The following KLF12 variants were observed in gnomAD, a reference collection of about 807,000 sequenced individuals.
KLF12 encodes the protein KLF transcription factor 12, also known as Krueppel-like factor 12.
KLF12 carries 9 observed loss-of-function variants against 37.8 expected under a neutral mutation model. The ratio of observed to expected loss-of-function variants is 0.24; its 90% confidence interval spans 0.14 to 0.42. The LOEUF (loss-of-function observed/expected upper bound fraction) is 0.42, where lower values mean the gene tolerates loss of function less well. KLF12 is among the 10% of genes least tolerant of loss of function. The pLI is 1.00. For synonymous variants in KLF12, 208 were observed against 202.1 expected (o/e 1.03, Z -0.25); for missense variants, 411 against 516.0 (o/e 0.80, Z 1.97).
chr13:73,874,622 G>A (rs1440364518), intron 3 of KLF12, among the ~76,000 whole-genome samples: 2 of 152,098 alleles, frequency 1.3e-5, no homozygotes, highest in African/African-American at 4.8e-5. Flanking sequence ...GTGGTACATA[G>A]TCATATAGGC....
the KLF12 span, among the ~76,000 whole-genome samples, chr13:74,271,029 C>G: frequency 6.6e-6 from 1 of 152,114 alleles, no homozygotes; most frequent in Non-Finnish European, 1.5e-5. Context: ...GTGTGCATTA[C>G]TGCCTGAGCT....
intron 6 of KLF12, among the ~76,000 whole-genome samples, chr13:73,738,810 A>T (rs1401051456): frequency 6.6e-6 from 1 of 152,190 alleles, no homozygotes; most frequent in Non-Finnish European, 1.5e-5. Context: ...ACTGCCGGCC[A>T]TCTGTTGAGG....
intron 3 of KLF12, among the ~76,000 whole-genome samples, chr13:73,933,514 G>A (rs1020340432): frequency 6.6e-6 from 1 of 152,100 alleles, no homozygotes; most frequent in Admixed American, 6.5e-5. Flanking sequence ...GACAGGCCTT[G>A]TACACAGGCA....
At chr13:73,985,201 A>G (rs560559788) in intron 2 of KLF12, among the ~76,000 whole-genome samples, 2 of 152,334 alleles carry the variant, frequency 1.3e-5, no homozygotes, top group East Asian at 3.9e-4. Context: ...CACTGAGCAG[A>G]GCAAGGAGAA....
intron 6 of KLF12, among the ~76,000 whole-genome samples, chr13:73,722,988 CTT>C (rs1252683150): frequency 6.6e-6 from 1 of 152,152 alleles, no homozygotes; most frequent in African/African-American, 2.4e-5. Context: ...TTCCACATCA[CTT>C]TCTAGACCGT....
intron 3 of KLF12, among the ~76,000 whole-genome samples, chr13:73,876,805 A>G (rs540565724): frequency 6.6e-6 from 1 of 152,240 alleles, no homozygotes; most frequent in East Asian, 1.9e-4. Flanking sequence ...ATCTGGGGTC[A>G]GGAGTTTGAG....
the KLF12 span, among the ~76,000 whole-genome samples, chr13:74,139,001 A>T: frequency 1.3e-5 from 2 of 152,222 alleles, no homozygotes; most frequent in Non-Finnish European, 1.5e-5. Flanking sequence ...CCAAAAAGTT[A>T]TCTTTCCCTT....
chr13:74,262,931 G>A, the KLF12 span, among the ~76,000 whole-genome samples: 8 of 151,818 alleles, frequency 5.3e-5, no homozygotes, highest in South Asian at 2.1e-4. Flanking sequence ...CTGGTTCTTC[G>A]TCAGTGTGCT....
the KLF12 span, chr13:74,260,063 C>A: frequency 6.6e-6 from 1 of 151,910 alleles, no homozygotes; most frequent in Non-Finnish European, 1.5e-5. Flanking sequence ...TTTTGTGTCC[C>A]CTCTGGAGTG....
the KLF12 span, among the ~76,000 whole-genome samples, chr13:74,202,480 C>T: frequency 1.3e-5 from 2 of 152,250 alleles, no homozygotes; most frequent in South Asian, 4.1e-4. Context: ...GTGTTAGCTA[C>T]ATCTTTCTGG....
the KLF12 span, among the ~76,000 whole-genome samples, chr13:74,141,390 C>A: frequency 6.6e-6 from 1 of 151,848 alleles, no homozygotes. Context: ...AGAAATGAAA[C>A]CTGGTCAGAA....
At chr13:73,911,133 G>A (rs1452893108) in intron 3 of KLF12, among the ~76,000 whole-genome samples, 2 of 152,048 alleles carry the variant, frequency 1.3e-5, no homozygotes, top group Admixed American at 1.3e-4. Flanking sequence ...AGATAAGCTA[G>A]GTGATTGATA....
the KLF12 span, among the ~76,000 whole-genome samples, chr13:74,208,722 C>A: frequency 6.6e-6 from 1 of 152,044 alleles, no homozygotes; most frequent in Non-Finnish European, 1.5e-5. Flanking sequence ...TGCCTGTAGT[C>A]CCAGATGCTT....
At chr13:73,873,070 T>G (rs1160609993) in intron 3 of KLF12, among the ~76,000 whole-genome samples, 1 of 152,182 alleles carries the variant, frequency 6.6e-6, no homozygotes, top group Non-Finnish European at 1.5e-5. Flanking sequence ...ATTTGGTTAG[T>G]GCATTGACCA....
chr13:73,814,873 A>G (rs1883131843), intron 4 of KLF12, among the ~76,000 whole-genome samples: 1 of 152,058 alleles, frequency 6.6e-6, no homozygotes, highest in Admixed American at 6.6e-5. Flanking sequence ...ACCAGTCCAA[A>G]ATGGCAGAAG....
intron 1 of KLF12, among the ~76,000 whole-genome samples, chr13:74,023,084 T>A (rs1886519): frequency 0.64 from 96,673 of 151,968 alleles, 31,455 homozygotes; most frequent in East Asian, 0.84. Flanking sequence ...TAGCTGCATA[T>A]TCCAAGATTC....
chr13:74,256,154 C>CAAA, the KLF12 span, among the ~76,000 whole-genome samples: 1 of 75,602 alleles, frequency 1.3e-5, no homozygotes. Context: ...GACTCTGTCT[C>CAAA]AAAAAAAAAA....
intron 1 of KLF12, among the ~76,000 whole-genome samples, chr13:73,996,965 CCT>C (rs113116809): frequency 0.074 from 11,254 of 152,224 alleles, 620 homozygotes; most frequent in African/African-American, 0.16. Context: ...CTTACAAACC[CCT>C]GTCTTAGTCC....
chr13:73,763,055 A>G (rs1033572076), intron 6 of KLF12, among the ~76,000 whole-genome samples: 1 of 152,038 alleles, frequency 6.6e-6, no homozygotes, highest in Admixed American at 6.6e-5. Context: ...CACTAGCTCA[A>G]CTCTGCTTTT....
Sources: allele counts gnomAD v4.1 joint callset (sites outside exome capture counted in the v4.1 genomes callset), GRCh38; gene constraint gnomAD v4.1.1; transcripts MANE v1.5; gene names NCBI Gene and HGNC (gene_info 2026-07-23, HGNC 2026-07-21).